SVIL: variants seen among roughly 807,000 people sequenced by gnomAD.
SVIL encodes supervillin, also known as archvillin.
A neutral mutation model predicts 240.4 loss-of-function variants in SVIL; 101 were observed. The observed-to-expected ratio is 0.42, with a 90% CI of 0.36 to 0.50. The LOEUF is 0.50. Ranked by LOEUF, SVIL falls within the 20% of genes least tolerant of loss-of-function variation. The probability of loss-of-function intolerance (pLI) is 0.01; values close to 1 mark genes in which losing one functional copy is unlikely to be tolerated. For synonymous variants in SVIL, 999 were observed against 1,100.0 expected (o/e 0.91, Z 1.82); for missense variants, 2,512 against 2,818.7 (o/e 0.89, Z 2.46).
rs77589437 is a variant in SVIL, at chr10:29,728,062, T to A, written c.-400+7689A>T. Reference sequence around the variant, plus strand: ...ATTCTCATGGACAGAGGATCATAAGTAGAAAGCATCCCTAGCGAGGCTTTT... The same window carrying A: ...ATTCTCATGGACAGAGGATCATAAGAAGAAAGCATCCCTAGCGAGGCTTTT... On this transcript the variant is annotated intron_variant, in intron 1 of 35. Coordinates refer to the SVIL transcript ENST00000375400. Among the ~76,000 whole-genome samples the A allele has an allele frequency of 5.2e-3, 792 of 152,284 alleles. 4 individuals are homozygous for A. The highest frequency in any genetic ancestry group is 0.014 in the African/African-American group (595 of 41,552).
chr10:29,505,722 T>A (rs933016764), intron 17 of SVIL, among the ~76,000 whole-genome samples: 5 of 152,198 alleles, frequency 3.3e-5, no homozygotes, highest in African/African-American at 1.2e-4. Context: ...TGGTAGCAAA[T>A]GTGCCACTCT....
chr10:29,735,442 C>T lies in SVIL; in HGVS notation c.-400+309G>A, dbSNP rs544355149. On this transcript the variant is annotated intron_variant, in intron 1 of 35. Coordinates refer to the SVIL transcript ENST00000375400. This position sits in a 1 kb window ranked among gnomAD's most constrained non-coding sequence, Gnocchi z 4.1. Reference sequence around the variant, plus strand: ...CCGCGGAGAGAAACCCTGCCCCGGCCCGCTCCTCCCCGAGGCGCGCTCCGG... The same window carrying T: ...CCGCGGAGAGAAACCCTGCCCCGGCTCGCTCCTCCCCGAGGCGCGCTCCGG... Among the ~76,000 whole-genome samples, 3 of 151,916 alleles carry T rather than the reference C, an allele frequency of 2.0e-5. No individual in the cohort carries two copies. Among genetic ancestry groups the T allele is most frequent in the East Asian group, 3.9e-4 (2 of 5,112 alleles).
At chr10:29,565,483 C>T (rs1266961232) in intron 2 of SVIL, among the ~76,000 whole-genome samples, 2 of 152,210 alleles carry the variant, frequency 1.3e-5, no homozygotes, top group Admixed American at 1.3e-4. Flanking sequence ...TTTCCTCCCC[C>T]TGAGCTCTCT....
chr10:29,698,661 AAAAAT>A (rs769806016), intron 1 of SVIL, among the ~76,000 whole-genome samples: 85 of 151,984 alleles, frequency 5.6e-4, no homozygotes, highest in Non-Finnish European at 9.0e-4. Flanking sequence ...AAATAAAAAT[AAAAAT>A]AAAATAAAAT....
intron 3 of SVIL, among the ~76,000 whole-genome samples, chr10:29,643,042 A>G (rs1222296179): frequency 6.6e-6 from 1 of 152,184 alleles, no homozygotes; most frequent in African/African-American, 2.4e-5. Flanking sequence ...GGGTGGATTA[A>G]TCAATTTGCA....
chr10:29,583,959 G>A (rs1956054909), intron 1 of SVIL, among the ~76,000 whole-genome samples: 1 of 152,218 alleles, frequency 6.6e-6, no homozygotes, highest in African/African-American at 2.4e-5. Flanking sequence ...TCCCACCACA[G>A]GTGATTAGGA....
At chr10:29,514,033 TCAAA>T (rs1950039125) in intron 16 of SVIL, among the ~76,000 whole-genome samples, 2 of 150,964 alleles carry the variant, frequency 1.3e-5, no homozygotes, top group Non-Finnish European at 2.9e-5. Flanking sequence ...GAGCCGATGC[TCAAA>T]CAATTTAAAG....
chr10:29,625,712 T>C (rs1238534719), intron 1 of SVIL, among the ~76,000 whole-genome samples: 2 of 152,202 alleles, frequency 1.3e-5, no homozygotes, highest in African/African-American at 2.4e-5. Flanking sequence ...TCCACCCGCC[T>C]TGGCCTCCCA....
chr10:29,587,305 G>A lies in SVIL; in HGVS notation c.-200-17993C>T, dbSNP rs1173191341. ...TCCGGGGCTCGGGTTCTCCGGCTTC[G>A]TACAGGACACAAGCTCACTGCCACC... is the stretch of plus-strand genomic sequence containing the variant. On this transcript the variant is annotated intron_variant, in intron 1 of 37. Transcript: ENST00000355867. 6.6e-5 allele frequency among the ~76,000 whole-genome samples: 10 copies of A among 152,292 alleles called. No individual in the cohort carries two copies. In the East Asian group the frequency reaches 1.9e-3, roughly 29 times the overall value.
intron 1 of SVIL, among the ~76,000 whole-genome samples, chr10:29,609,734 A>G (rs1350150833): frequency 6.6e-6 from 1 of 152,226 alleles, no homozygotes; most frequent in East Asian, 1.9e-4. Context: ...GGGAGCTGGC[A>G]TATGGAGCTT....
intron 1 of SVIL, among the ~76,000 whole-genome samples, chr10:29,717,126 G>A (rs1353032230): frequency 2.6e-5 from 4 of 151,140 alleles, no homozygotes; most frequent in Non-Finnish European, 4.4e-5. Flanking sequence ...CCAGCTACTC[G>A]GGAGGCTGAG....
chr10:29,624,749 A>C (rs946066487), intron 1 of SVIL, among the ~76,000 whole-genome samples: 1 of 152,188 alleles, frequency 6.6e-6, no homozygotes, highest in African/African-American at 2.4e-5. Context: ...CATGCATAAA[A>C]GTTAGCTTAG....
intron 31 of SVIL, 71 bp from the exon 32 acceptor site, chr10:29,470,554 T>C: frequency 6.4e-7 from 1 of 1,556,416 alleles, no homozygotes; most frequent in Non-Finnish European, 8.7e-7. Flanking sequence ...CCCTTCCTAG[T>C]GTCCGCTGTG....
At chr10:29,691,518 T>C (rs1340970592) in intron 1 of SVIL, among the ~76,000 whole-genome samples, 1 of 152,160 alleles carries the variant, frequency 6.6e-6, no homozygotes, top group Non-Finnish European at 1.5e-5. Flanking sequence ...GCCCCAATAA[T>C]GAATAATTTT....
At chr10:29,503,032 A>AT (rs773040706) in intron 17 of SVIL, among the ~76,000 whole-genome samples, 101 of 152,258 alleles carry the variant, frequency 6.6e-4, no homozygotes, top group Non-Finnish European at 1.3e-3. Flanking sequence ...GGCTTTTAAA[A>AT]TTTTTTTTAT....
At chr10:29,536,325 C>T (rs1014588179) in intron 6 of SVIL, among the ~76,000 whole-genome samples, 1 of 151,828 alleles carries the variant, frequency 6.6e-6, no homozygotes, top group Non-Finnish European at 1.5e-5. Context: ...ACCTGGGTGA[C>T]AAAATATTTA....
chr10:29,685,787 C>T (rs1234639259), intron 2 of SVIL, among the ~76,000 whole-genome samples: 1 of 152,118 alleles, frequency 6.6e-6, no homozygotes, highest in African/African-American at 2.4e-5. Context: ...ATGAGGCATG[C>T]CTGACCCTCC....
chr10:29,523,730 C>T lies in SVIL; in HGVS notation c.2884G>A (p.Gly962Arg), dbSNP rs1413923692. 1.6e-5 allele frequency: 26 copies of T among 1,614,202 alleles called. No homozygotes were observed. Among genetic ancestry groups the T allele is most frequent in the Non-Finnish European group, 2.2e-5 (26 of 1,180,024 alleles). ...SKRALTGRDS[G>R]MEKYGSFEEA... is the part of the protein sequence containing the mutation. ...TCAAAGGACCCATACTTCTCCATCC[C>T]ACTGTCTCGACCTGTCAAAGCTCTC... Residue 962 changes from glycine (G) to arginine (R), a missense_variant, in exon 15 of 38, where the codon GGG becomes AGG. Physicochemically the swap from Gly to Arg is moderately radical, Grantham distance 125 (BLOSUM62 -2). This residue lies in a region of SVIL where 1,443 missense variants were observed against 1,486.6 expected (regional missense o/e 0.97). Transcript: ENST00000355867.
intron 1 of SVIL, among the ~76,000 whole-genome samples, chr10:29,692,648 T>C (rs1373287672): frequency 1.3e-5 from 2 of 149,596 alleles, no homozygotes; most frequent in Non-Finnish European, 3.0e-5. Flanking sequence ...ATATATGATA[T>C]ATATATAAAA....
Sources: gnomAD v4.1 joint callset for allele counts (sites outside exome capture counted in the v4.1 genomes callset) on GRCh38, gnomAD v4.1.1 for gene constraint, gnomAD v4.1.1 regional missense constraint, Gnocchi (gnomAD v3.1) non-coding constraint, MANE v1.5 for transcripts, NCBI Gene and HGNC (gene_info 2026-07-23, HGNC 2026-07-21) for gene names.